Variants in HPSE2 observed in about 807,000 individuals in gnomAD.
The protein encoded by HPSE2 is inactive heparanase-2.
In HPSE2, 38 loss-of-function variants were observed where a neutral mutation model predicts 60.5. The observed-to-expected ratio is 0.63, with a 90% CI of 0.48 to 0.82. The LOEUF is 0.82. Ranked by LOEUF, HPSE2 falls within the 40% of genes least tolerant of loss-of-function variation. The probability of loss-of-function intolerance (pLI) is 0.00; values close to 1 mark genes in which losing one functional copy is unlikely to be tolerated. For missense variants in HPSE2, 713 were observed against 740.4 expected (o/e 0.96, Z 0.43); for synonymous variants, 295 against 293.2 (o/e 1.01, Z -0.06).
At chr10:99,277,276 G>C in the HPSE2 span, among the ~76,000 whole-genome samples, 1 of 152,210 alleles carries the variant, frequency 6.6e-6, no homozygotes, top group Non-Finnish European at 1.5e-5. Flanking sequence ...AAAAACCATA[G>C]ATAATCTCAT....
In HPSE2 at chr10:98,705,570, G is replaced by A. The variant is rs115634810; in HGVS notation, c.957-11623C>T. On this transcript the variant is annotated intron_variant, in intron 5 of 11. Coordinates refer to ENST00000370552, the MANE Select transcript of HPSE2 (RefSeq NM_021828.5). ...GTACAGACACACCATGGAATAATAC[G>A]CAGCCTTAAAAGGAATGAAATCATG... Among the ~76,000 whole-genome samples the A allele has an allele frequency of 7.5e-3, 1,136 of 152,196 alleles. 16 individuals are homozygous for A. The highest frequency in any genetic ancestry group is 0.025 in the African/African-American group (1,049 of 41,516).
chr10:98,596,055 T>A (rs1303227411), intron 9 of HPSE2, among the ~76,000 whole-genome samples: 1 of 152,208 alleles, frequency 6.6e-6, no homozygotes, highest in East Asian at 1.9e-4. Context: ...TAAATCCCAG[T>A]TGATCATGAT....
chr10:99,290,977 A>G, the HPSE2 span, among the ~76,000 whole-genome samples: 1,058 of 152,300 alleles, frequency 6.9e-3, 12 homozygotes, highest in African/African-American at 0.024. Flanking sequence ...ATCATTCAAA[A>G]AGACTTTTTG....
chr10:99,118,133 A>C (rs981796998), intron 3 of HPSE2, among the ~76,000 whole-genome samples: 3 of 148,572 alleles, frequency 2.0e-5, no homozygotes, highest in Admixed American at 6.6e-5. Context: ...AATTAAAGAC[A>C]AAAAAAAACA....
At chr10:98,463,848 G>T (rs1365229759) in intron 11 of HPSE2, among the ~76,000 whole-genome samples, 1 of 152,168 alleles carries the variant, frequency 6.6e-6, no homozygotes, top group Non-Finnish European at 1.5e-5. Flanking sequence ...GCCGAGTGCG[G>T]TGGTTCACGC....
chr10:99,302,850 C>T, the HPSE2 span, among the ~76,000 whole-genome samples: 2 of 151,114 alleles, frequency 1.3e-5, no homozygotes, highest in African/African-American at 4.9e-5. Flanking sequence ...CAAATCTGTA[C>T]AATATCGAGG....
chr10:99,191,253 C>T (rs999139876), intron 2 of HPSE2, among the ~76,000 whole-genome samples: 1 of 152,058 alleles, frequency 6.6e-6, no homozygotes, highest in African/African-American at 2.4e-5. Flanking sequence ...CCACTGCTGA[C>T]TGTAGACCCC....
chr10:98,931,777 T>C (rs1351452941), intron 3 of HPSE2, among the ~76,000 whole-genome samples: 1 of 143,612 alleles, frequency 7.0e-6, no homozygotes, highest in Non-Finnish European at 1.5e-5. Flanking sequence ...TTGTCTGTTG[T>C]TGGTGTATAG....
chr10:98,574,281 G>T (rs116921895), intron 9 of HPSE2, among the ~76,000 whole-genome samples: 1 of 151,886 alleles, frequency 6.6e-6, no homozygotes, highest in Non-Finnish European at 1.5e-5. Context: ...ATTAAAAAAC[G>T]TAGATCTACA....
At chr10:98,513,184 T>C (rs572301156) in intron 9 of HPSE2, among the ~76,000 whole-genome samples, 1 of 152,224 alleles carries the variant, frequency 6.6e-6, no homozygotes, top group Non-Finnish European at 1.5e-5. Flanking sequence ...GGTATCTATG[T>C]TCCCCTTGTA....
intron 3 of HPSE2, among the ~76,000 whole-genome samples, chr10:98,802,241 G>T (rs1328652669): frequency 4.6e-5 from 7 of 151,228 alleles, no homozygotes; most frequent in Non-Finnish European, 1.5e-5. Context: ...AAAACATTGG[G>T]AAAACTCTCC....
chr10:98,462,853 C>T (rs533431679), intron 11 of HPSE2, among the ~76,000 whole-genome samples: 1 of 152,128 alleles, frequency 6.6e-6, no homozygotes, highest in Non-Finnish European at 1.5e-5. Flanking sequence ...ACCCTACCTA[C>T]ATTCTTTCTA....
intron 3 of HPSE2, among the ~76,000 whole-genome samples, chr10:98,888,385 TA>T (rs796211684): frequency 5.9e-5 from 9 of 152,328 alleles, no homozygotes; most frequent in African/African-American, 1.9e-4. Flanking sequence ...TTTACCTGCT[TA>T]TTGTTTAAAA....
At chr10:99,024,394 A>T (rs1033602711) in intron 3 of HPSE2, among the ~76,000 whole-genome samples, 8 of 152,176 alleles carry the variant, frequency 5.3e-5, no homozygotes, top group Admixed American at 1.3e-4. Context: ...AAACCAAAAA[A>T]CATGCAATGG....
chr10:98,613,476 C>A (rs1408301348), intron 9 of HPSE2, among the ~76,000 whole-genome samples: 1 of 152,214 alleles, frequency 6.6e-6, no homozygotes, highest in Non-Finnish European at 1.5e-5. Context: ...AGTGATACAA[C>A]AATTACTTGG....
chr10:99,236,874 G>C (rs1371012509), upstream of HPSE2, among the ~76,000 whole-genome samples: 11 of 152,080 alleles, frequency 7.2e-5, no homozygotes, highest in Admixed American at 7.2e-4. Context: ...TGCTGCACAG[G>C]TAGAGTCCCC....
At chr10:98,713,127 A>T (rs1948713657) in intron 5 of HPSE2, among the ~76,000 whole-genome samples, 1 of 152,046 alleles carries the variant, frequency 6.6e-6, no homozygotes, top group South Asian at 2.1e-4. Context: ...CTTAGCACAT[A>T]ACCAGGCCCA....
intron 3 of HPSE2, among the ~76,000 whole-genome samples, chr10:98,790,473 C>A (rs1191291333): frequency 6.6e-6 from 1 of 151,942 alleles, no homozygotes; most frequent in African/African-American, 2.4e-5. Flanking sequence ...AAGGAGGTTA[C>A]CAGAGGCTGG....
At chr10:98,635,882 T>C (rs796583181) in intron 7 of HPSE2, among the ~76,000 whole-genome samples, 5 of 151,896 alleles carry the variant, frequency 3.3e-5, no homozygotes, top group African/African-American at 9.7e-5. Flanking sequence ...TGAGGCAACA[T>C]GAATGAGCCT....
Sources: allele counts gnomAD v4.1 joint callset (sites outside exome capture counted in the v4.1 genomes callset), GRCh38; gene constraint gnomAD v4.1.1; transcripts MANE v1.5; gene names NCBI Gene and HGNC (gene_info 2026-07-23, HGNC 2026-07-21).